The following KDM4B variants were observed in gnomAD, a reference collection of about 807,000 sequenced individuals.
KDM4B encodes lysine-specific demethylase 4B.
Under a neutral mutation model 125.2 loss-of-function variants are expected in KDM4B, and 32 were observed. That is an observed-to-expected ratio of 0.26 (90% CI 0.19 to 0.34). The LOEUF is 0.34. Ranked by LOEUF, KDM4B falls within the 10% of genes least tolerant of loss-of-function variation. The probability of loss-of-function intolerance (pLI) is 1.00; values close to 1 mark genes in which losing one functional copy is unlikely to be tolerated. For missense variants in KDM4B, 1,190 were observed against 1,577.7 expected (o/e 0.75, Z 4.16); for synonymous variants, 721 against 677.9 (o/e 1.06, Z -0.99).
Position 5,137,665 on chromosome 19 carries a change from C to A in KDM4B, c.2430C>A (p.Thr810=). Residue 810 remains threonine, a synonymous_variant, in exon 17 of 23, where the codon ACC becomes ACA. Transcript: ENST00000159111. The stretch of plus-strand genomic sequence containing the variant: ...TGCGAGGAGGTGCGCTGCAGATGAC[C>A]ACCGATAGGAGGTGGGTGGCACCGC... ...CNLRGGALQM[T]TDRRWIHVIC... 1.3e-6 allele frequency: 2 copies of A among 1,592,648 alleles called. No individual in the cohort carries two copies.
chr19:5,006,251 T>C (rs2035555776), intron 1 of KDM4B, among the ~76,000 whole-genome samples: 1 of 151,990 alleles, frequency 6.6e-6, no homozygotes, highest in South Asian at 2.1e-4. Flanking sequence ...CTCTGGGTAG[T>C]GTGCACCCCA....
intron 10 of KDM4B, chr19:5,119,247 G>C (rs117709745): frequency 7.0e-7 from 1 of 1,419,220 alleles, no homozygotes; most frequent in Non-Finnish European, 9.6e-7. Context: ...TCCGTTTGTC[G>C]TCTAGGCATT....
Position 5,135,496 on chromosome 19 carries a change from A to G in KDM4B, c.2243A>G (p.Tyr748Cys). Residue 748 changes from tyrosine (Y) to cysteine (C), a missense_variant, in exon 15 of 23, where the codon TAC (tyrosine) becomes TGC (cysteine). By Grantham distance (194) the Tyr-to-Cys change is radical (BLOSUM62 -2). Coordinates refer to ENST00000159111, the MANE Select transcript of KDM4B (RefSeq NM_015015.3). The part of the protein sequence containing the change: ...ENTEPLPANS[Y>C]IGDDGTSPLI... ...ACGGAGCCGCTGCCTGCCAACTCCT[A>G]CATCGGCGACGACGGGACCAGCCCC... The G allele has an allele frequency of 1.2e-6, 2 of 1,612,412 alleles. No homozygotes were observed. Among genetic ancestry groups the G allele is most frequent in the African/African-American group, 1.3e-5 (1 of 75,044 alleles).
intron 3 of KDM4B, among the ~76,000 whole-genome samples, chr19:5,036,263 A>G (rs1012993528): frequency 6.6e-6 from 1 of 152,108 alleles, no homozygotes; most frequent in African/African-American, 2.4e-5. Flanking sequence ...GTTCCATCAA[A>G]ACTGTGTTTG....
intron 2 of KDM4B, among the ~76,000 whole-genome samples, chr19:5,019,055 T>TTGGTGTGGACGTTGGTGTGCAGGTGC (rs751217270): frequency 6.8e-6 from 1 of 146,492 alleles, no homozygotes; most frequent in Non-Finnish European, 1.5e-5. Context: ...TGTGCAGGTG[T>TTGGTGTGGACGTTGGTGTGCAGGTGC]TGGTGTGGAC....
chr19:5,067,988 T>C (rs2037827629), intron 6 of KDM4B, among the ~76,000 whole-genome samples: 1 of 152,160 alleles, frequency 6.6e-6, no homozygotes, highest in Non-Finnish European at 1.5e-5. Flanking sequence ...AAACCTGACT[T>C]GGTTTTACAG....
At chr19:5,092,720 C>T (rs2145922018) in intron 9 of KDM4B, among the ~76,000 whole-genome samples, 1 of 152,280 alleles carries the variant, frequency 6.6e-6, no homozygotes, top group Admixed American at 6.5e-5. Context: ...GGCGAGGGAG[C>T]CCAGGGGTCA....
intron 5 of KDM4B, among the ~76,000 whole-genome samples, chr19:5,043,130 G>A (rs2036875423): frequency 6.6e-6 from 1 of 151,708 alleles, no homozygotes. Flanking sequence ...TCGGAGTGGG[G>A]TGTCCACCTT....
chr19:5,146,045 G>A (rs2039836632), intron 21 of KDM4B, among the ~76,000 whole-genome samples: 1 of 151,458 alleles, frequency 6.6e-6, no homozygotes, highest in Admixed American at 6.6e-5. Flanking sequence ...ACCCCCCGCC[G>A]TGCAGGCCGG....
intron 11 of KDM4B, 133 bp downstream of exon 11, chr19:5,119,985 G>T: frequency 8.5e-7 from 1 of 1,174,390 alleles, no homozygotes; most frequent in South Asian, 1.6e-5. Flanking sequence ...TTCTTGCCAG[G>T]GTGGGGCATT....
Position 5,033,003 on chromosome 19 carries a change from A to G in KDM4B, c.113A>G (p.Gln38Arg). 1 of 1,613,900 alleles carries G rather than the reference A, an allele frequency of 6.2e-7. No homozygotes were observed. The highest frequency in any genetic ancestry group is 8.5e-7 in the Non-Finnish European group (1 of 1,179,994). The stretch of plus-strand genomic sequence containing the variant: ...AAATACGTGGCCTACATAGAGTCGC[A>G]GGGAGCCCACCGGGCGGGCCTGGCC... ...FNKYVAYIES[Q>R]GAHRAGLAKI... The change falls in exon 3 of 23, where the codon CAG becomes CGG. Residue 38 changes from glutamine (Q) to arginine (R), a missense_variant. Transcript: ENST00000159111.
chr19:5,030,073 C>G (rs1051044380), intron 2 of KDM4B, among the ~76,000 whole-genome samples: 10 of 152,210 alleles, frequency 6.6e-5, no homozygotes, highest in Admixed American at 2.6e-4. Context: ...GCCCCCGCAA[C>G]CCCACGAGGT....
intron 9 of KDM4B, among the ~76,000 whole-genome samples, chr19:5,091,315 A>G (rs1017453978): frequency 1.1e-4 from 17 of 152,310 alleles, no homozygotes; most frequent in Admixed American, 3.9e-4. Flanking sequence ...AAGGCTGGGG[A>G]GCCACTCACG....
intron 10 of KDM4B, 74 bp downstream of exon 10, chr19:5,110,892 T>A: frequency 2.4e-6 from 3 of 1,254,944 alleles, no homozygotes; most frequent in Non-Finnish European, 3.2e-6. Context: ...CCCAGGCCCC[T>A]TCCCACTGGC....
chr19:5,128,032 G>A (rs2039479108), intron 11 of KDM4B, among the ~76,000 whole-genome samples: 1 of 151,938 alleles, frequency 6.6e-6, no homozygotes, highest in Non-Finnish European at 1.5e-5. Context: ...GCTGCCTGTT[G>A]TGTGTGAGGA....
In KDM4B at chr19:5,035,155, G is replaced by C. The variant is rs1166972213; in HGVS notation, c.141+2124G>C. On this transcript the variant is annotated intron_variant, in intron 3 of 22. Transcript: ENST00000159111. This position sits in a 1 kb window ranked among gnomAD's most constrained non-coding sequence, Gnocchi z 5.3. ...TCTCTGGCCCTCTAGGCCACAGGCT[G>C]CTATCCCAGGAAAGGCCCAGGTCCT... Among the ~76,000 whole-genome samples, 1 of 152,154 alleles carries C rather than the reference G, an allele frequency of 6.6e-6. No homozygotes were observed. The highest frequency in any genetic ancestry group is 1.5e-5 in the Non-Finnish European group (1 of 68,004).
chr19:5,091,601 C>T (rs2038706135), intron 9 of KDM4B, among the ~76,000 whole-genome samples: 1 of 152,178 alleles, frequency 6.6e-6, no homozygotes, highest in Admixed American at 6.5e-5. Flanking sequence ...GTGTACTGAA[C>T]TTAATTACTG....
At chr19:5,015,836 G>T (rs990278358) in intron 1 of KDM4B, among the ~76,000 whole-genome samples, 7 of 152,198 alleles carry the variant, frequency 4.6e-5, no homozygotes, top group African/African-American at 1.7e-4. Flanking sequence ...CGCAGCCCCT[G>T]CCCCCCTCTC....
chr19:5,022,665 CCTCT>C (rs2036160568), intron 2 of KDM4B, among the ~76,000 whole-genome samples: 2 of 152,244 alleles, frequency 1.3e-5, no homozygotes, highest in South Asian at 4.1e-4. Flanking sequence ...TCCTGCTCCA[CCTCT>C]TGGAGTGCCG....
Sources: gnomAD v4.1 joint callset for allele counts (sites outside exome capture counted in the v4.1 genomes callset) on GRCh38, gnomAD v4.1.1 for gene constraint, Gnocchi (gnomAD v3.1) non-coding constraint, MANE v1.5 for transcripts, NCBI Gene and HGNC (gene_info 2026-07-23, HGNC 2026-07-21) for gene names.